ACOX3: variants seen among roughly 807,000 people sequenced by gnomAD.
ACOX3 encodes the protein peroxisomal acyl-coenzyme A oxidase 3.
A neutral mutation model predicts 81.5 loss-of-function variants in ACOX3; 73 were observed. That is an observed-to-expected ratio of 0.90 (90% CI 0.74 to 1.09). ACOX3 has a LOEUF of 1.09. Among genes scored for constraint, ACOX3 ranks in the 50% least tolerant of loss-of-function variants. ACOX3 has a pLI of 0.00. For missense variants in ACOX3, 947 were observed against 928.0 expected (o/e 1.02, Z -0.27); for synonymous variants, 387 against 375.1 (o/e 1.03, Z -0.37).
At chr4:8,380,995 T>G (rs1717579179) in intron 14 of ACOX3, among the ~76,000 whole-genome samples, 1 of 152,188 alleles carries the variant, frequency 6.6e-6, no homozygotes, top group South Asian at 2.1e-4. Context: ...TCCCTGTGGC[T>G]TCCTGGAACA....
chr4:8,383,854 C>A (rs755203786), intron 13 of ACOX3, among the ~76,000 whole-genome samples: 1 of 152,210 alleles, frequency 6.6e-6, no homozygotes, highest in Non-Finnish European at 1.5e-5. Flanking sequence ...CAGATGGTCA[C>A]GAACAGCAAG....
downstream of ACOX3, among the ~76,000 whole-genome samples, chr4:8,363,085 G>A (rs1305913707): frequency 6.6e-6 from 1 of 152,196 alleles, no homozygotes; most frequent in Non-Finnish European, 1.5e-5. Context: ...GGCTAACCCT[G>A]CTTATTCCTG....
Position 8,437,248 on chromosome 4 carries a change from G to A in ACOX3, c.-15+3400C>T, listed in dbSNP as rs137902029. 5.8e-3 allele frequency among the ~76,000 whole-genome samples: 886 copies of A among 151,536 alleles called. 6 individuals carry two copies. The highest frequency in any genetic ancestry group is 9.7e-3 in the Non-Finnish European group (661 of 67,940). On this transcript the variant is annotated intron_variant, in intron 1 of 17. Transcript: ENST00000356406. The surrounding 1 kb of genome is among the most constrained non-coding windows in gnomAD (Gnocchi z 5.2). ...AGTCTATAAAAGTGGCCACCAAGGCGTATGTTAGCTGTGACCAAGGAACAA... is the reference window on the plus strand; with the variant it reads ...AGTCTATAAAAGTGGCCACCAAGGCATATGTTAGCTGTGACCAAGGAACAA...
intron 14 of ACOX3, among the ~76,000 whole-genome samples, chr4:8,379,153 GA>G (rs1717333430): frequency 6.6e-6 from 1 of 152,234 alleles, no homozygotes; most frequent in Non-Finnish European, 1.5e-5. Flanking sequence ...CAGAAATGCT[GA>G]ACCTTTATGC....
rs751029086 is a variant in ACOX3 at position 8,397,117 on chromosome 4, G to T, written c.876C>A (p.Asp292Glu). Residue 292 changes from aspartate (D) to glutamate (E), a missense_variant and splice_region_variant, in exon 9 of 18, where the codon GAC becomes GAA. Coordinates refer to ENST00000356406, the MANE Select transcript of ACOX3 (RefSeq NM_003501.3). Reference protein sequence around the residue: ...PEGTYVSPFKDVRQRFGASLG... With the variant: ...PEGTYVSPFKEVRQRFGASLG... ...GGGACGCTCCAAAGCGCTGCCTGAC[G>T]TCCTACGGGAGGGACACAGATGATA... The T allele has an allele frequency of 6.4e-7, 1 of 1,550,920 alleles. No homozygotes were observed. Among genetic ancestry groups the T allele is most frequent in the South Asian group, 1.2e-5 (1 of 82,150 alleles).
chr4:8,394,631 T>C lies in ACOX3; in HGVS notation c.1168A>G (p.Ser390Gly). The change falls in exon 10 of 18, where the codon AGC becomes GGC. Residue 390 changes from serine to glycine, a missense_variant. By Grantham distance (56) the Ser-to-Gly change is moderately conservative. Coordinates refer to ENST00000356406, the MANE Select transcript of ACOX3 (RefSeq NM_003501.3). The surrounding 1 kb of genome is among the most constrained non-coding windows in gnomAD (Gnocchi z 5.9). Reference sequence around the variant, plus strand: ...AGACACCACCTCACCTGTCTGGCGCTGCGGTCTCCCGATGCAAGTCCTCGC... The same window carrying C: ...AGACACCACCTCACCTGTCTGGCGCCGCGGTCTCCCGATGCAAGTCCTCGC... ...LQRGLASGDR[S>G]ARQAELGREI... is the part of the protein sequence containing the mutation. 2.5e-6 allele frequency: 4 copies of C among 1,613,708 alleles called. No individual in the cohort carries two copies. The highest frequency in any genetic ancestry group is 2.5e-6 in the Non-Finnish European group (3 of 1,179,966).
chr4:8,439,969 T>C (rs1339678381), intron 1 of ACOX3, among the ~76,000 whole-genome samples: 4 of 152,176 alleles, frequency 2.6e-5, no homozygotes, highest in African/African-American at 9.7e-5. Context: ...CCAGACAACC[T>C]TGGCACCACC....
rs901801366 is a variant in ACOX3, at chr4:8,386,712, G to A, written c.1537+2461C>T. Among the ~76,000 whole-genome samples, 8 of 152,208 alleles carry A rather than the reference G, an allele frequency of 5.3e-5. No homozygotes were observed. Among genetic ancestry groups the A allele is most frequent in the African/African-American group, 1.2e-4 (5 of 41,458 alleles). On this transcript the variant is annotated intron_variant, in intron 13 of 17. Transcript: ENST00000356406. The surrounding 1 kb of genome is among the most constrained non-coding windows in gnomAD (Gnocchi z 5.2). ...AGCTGTAACCCAGCGCAGTGACCAC[G>A]AGAAAGCAAGCAGTGATGCAGACGC...
chr4:8,355,908 A>T, the ACOX3 span: 1 of 160,938 alleles, frequency 6.2e-6, no homozygotes, highest in Admixed American at 5.6e-5. Context: ...ACATATATGA[A>T]CAGACTTCAA....
intron 1 of ACOX3, among the ~76,000 whole-genome samples, chr4:8,429,474 C>A (rs906461738): frequency 2.0e-5 from 3 of 152,158 alleles, no homozygotes; most frequent in African/African-American, 7.2e-5. Flanking sequence ...GGGCTTTGGG[C>A]GTTATCAATC....
chr4:8,370,769 G>A lies in ACOX3; in HGVS notation c.1983+139C>T, dbSNP rs114801175. The A allele has an allele frequency of 4.3e-3, 3,018 of 705,766 alleles. 68 individuals carry two copies. The African/African-American group carries it at 0.048, about 11-fold the overall frequency. The allele number at this position is 705,766 out of a possible 1,614,324, so 43.7% of individuals were successfully genotyped here. ...GAGTGAGACAGTCCTGACTTGTCCC[G>A]GGCCCTCCCCAAGAAGCTCCTCCAT... On this transcript the variant is annotated intron_variant, in intron 17 of 17. Transcript: ENST00000356406. The surrounding 1 kb of genome is among the most constrained non-coding windows in gnomAD (Gnocchi z 6.3).
chr4:8,424,466 C>A (rs1046150550), intron 1 of ACOX3, among the ~76,000 whole-genome samples: 4 of 152,244 alleles, frequency 2.6e-5, no homozygotes. Flanking sequence ...AGTAAGGAAA[C>A]TGATGTAGTG....
At chr4:8,428,164 G>A (rs749822510) in intron 1 of ACOX3, among the ~76,000 whole-genome samples, 2 of 152,254 alleles carry the variant, frequency 1.3e-5, no homozygotes, top group South Asian at 2.1e-4. Flanking sequence ...GTGGGCCACC[G>A]GCCCTCCTGG....
intron 6 of ACOX3, among the ~76,000 whole-genome samples, chr4:8,409,826 C>T (rs1264927606): frequency 2.0e-5 from 3 of 150,768 alleles, no homozygotes; most frequent in African/African-American, 7.3e-5. Flanking sequence ...GTGGGCAGGA[C>T]TGTCTGCACT....
chr4:8,397,271 G>A, intron 8 of ACOX3, 152 bp from the exon 9 acceptor site: 1 of 694,804 alleles, frequency 1.4e-6, no homozygotes, highest in Non-Finnish European at 2.2e-6. Context: ...CAAGACACAG[G>A]ACGGTGCGGC....
chr4:8,361,400 T>C (rs543863715), downstream of ACOX3, among the ~76,000 whole-genome samples: 29 of 111,428 alleles, frequency 2.6e-4, no homozygotes, highest in South Asian at 5.3e-3. Context: ...CACTCCAGCC[T>C]GGGTGACAGA....
rs1337653132 is a variant in ACOX3 at position 8,389,724 on chromosome 4, C to A, written c.1311G>T (p.Leu437Phe). Residue 437 changes from leucine to phenylalanine, a missense_variant, in exon 12 of 18, where the codon TTG (leucine) becomes TTT (phenylalanine). Transcript: ENST00000356406. This position sits in a 1 kb window ranked among gnomAD's most constrained non-coding sequence, Gnocchi z 5.3. ...GGHGYLAMNR[L>F]GVLRDDNDPN... ...GATCGTTGTCATCTCTAAGGACACC[C>A]AACCGGTTCACTGCAACAAAGCCAC... The A allele has an allele frequency of 1.2e-6, 2 of 1,613,900 alleles. No individual in the cohort carries two copies. Among genetic ancestry groups the A allele is most frequent in the South Asian group, 2.2e-5 (2 of 91,064 alleles).
rs149402565 is a variant in ACOX3 at position 8,389,611 on chromosome 4, C to G, written c.1423+1G>C. On this transcript the variant is annotated splice_donor_variant, in intron 12 of 17. Transcript: ENST00000356406. LOFTEE classifies it high-confidence loss of function. This position sits in a 1 kb window ranked among gnomAD's most constrained non-coding sequence, Gnocchi z 5.3. Reference sequence around the variant, plus strand: ...CCCACCAGTGTGCAGCAGAGCCTCACCGTGGACCTGGTGTGCCAGGAGACC... The same window carrying G: ...CCCACCAGTGTGCAGCAGAGCCTCAGCGTGGACCTGGTGTGCCAGGAGACC... 5.6e-6 allele frequency: 9 copies of G among 1,613,832 alleles called. No homozygotes were observed. The highest frequency in any genetic ancestry group is 1.1e-5 in the South Asian group (1 of 91,068).
chr4:8,378,121 G>C (rs561969718), intron 14 of ACOX3, among the ~76,000 whole-genome samples: 16 of 152,298 alleles, frequency 1.1e-4, no homozygotes, highest in Admixed American at 7.8e-4. Flanking sequence ...GAGAGGAGAG[G>C]GTCCCAGTCT....
Sources: allele counts gnomAD v4.1 joint callset (sites outside exome capture counted in the v4.1 genomes callset), GRCh38; gene constraint gnomAD v4.1.1; non-coding constraint Gnocchi (gnomAD v3.1); transcripts MANE v1.5; gene names NCBI Gene and HGNC (gene_info 2026-07-23, HGNC 2026-07-21).